The following PVT1 variants were observed in gnomAD, a reference collection of about 807,000 sequenced individuals.
The protein encoded by PVT1 is Pvt1 oncogene, also known as CXCR4/PVT1 fusion.
chr8:127,842,256 AT>A (rs11347742), intron 2 of PVT1, among the ~76,000 whole-genome samples: 90,464 of 140,814 alleles, frequency 0.64, 29,010 homozygotes, highest in African/African-American at 0.74. Context: ...ACTGCTCTGG[AT>A]TTTTTTTTTT....
intron 2 of PVT1, among the ~76,000 whole-genome samples, chr8:127,810,331 C>T (rs182112227): frequency 8.5e-4 from 129 of 152,378 alleles, no homozygotes; most frequent in African/African-American, 3.0e-3. Context: ...CATCCTGCAC[C>T]TCCCTCCTGT....
intron 5 of PVT1, among the ~76,000 whole-genome samples, chr8:128,089,940 C>T (rs532778258): frequency 2.6e-4 from 39 of 152,310 alleles, no homozygotes; most frequent in African/African-American, 8.9e-4. Flanking sequence ...ACCATAAACC[C>T]TTTTGGCAAA....
At chr8:127,887,928 C>CTTTTTTTTTTTTTTTTTTTTTTT in intron 2 of PVT1, among the ~76,000 whole-genome samples, 1 of 56,922 alleles carries the variant, frequency 1.8e-5, no homozygotes, top group Admixed American at 2.6e-4. Context: ...CTCACTCTAT[C>CTTTTTTTTTTTTTTTTTTTTTTT]TTGTTTTTTT....
chr8:128,010,444 G>C (rs78951462), intron 4 of PVT1: 1 of 152,162 alleles, frequency 6.6e-6, no homozygotes, highest in Non-Finnish European at 1.5e-5. Context: ...GGATTTTGGT[G>C]GTGAGTCATC....
intron 2 of PVT1, among the ~76,000 whole-genome samples, chr8:127,871,352 G>A (rs1484572926): frequency 2.6e-5 from 4 of 152,232 alleles, no homozygotes; most frequent in Non-Finnish European, 4.4e-5. Context: ...TTTTACTCAT[G>A]GAATGCAGGG....
At chr8:127,900,941 G>A (rs578157249) in intron 3 of PVT1, among the ~76,000 whole-genome samples, 5 of 152,346 alleles carry the variant, frequency 3.3e-5, no homozygotes, top group East Asian at 3.9e-4. Context: ...ACGCCTGAAT[G>A]GGGTGAATTC....
intron 2 of PVT1, among the ~76,000 whole-genome samples, chr8:127,889,780 C>T (rs1317531249): frequency 6.6e-6 from 1 of 152,110 alleles, no homozygotes; most frequent in Non-Finnish European, 1.5e-5. Flanking sequence ...AAAACAGGGG[C>T]AGGCATCCCA....
At chr8:128,038,269 G>A (rs750306962) in intron 4 of PVT1, among the ~76,000 whole-genome samples, 14 of 152,170 alleles carry the variant, frequency 9.2e-5, no homozygotes, top group Non-Finnish European at 1.9e-4. Context: ...AGGTTTCTTT[G>A]AGCTCCACAT....
At chr8:128,055,527 C>T (rs1813752672) in intron 4 of PVT1, among the ~76,000 whole-genome samples, 1 of 152,226 alleles carries the variant, frequency 6.6e-6, no homozygotes, top group African/African-American at 2.4e-5. Context: ...AAAATTTATA[C>T]TTTACTGCAA....
intron 5 of PVT1, among the ~76,000 whole-genome samples, chr8:128,093,564 T>TA (rs200137675): frequency 0.018 from 2,726 of 151,862 alleles, 45 homozygotes; most frequent in Non-Finnish European, 0.028. Flanking sequence ...TCTTAAAAAA[T>TA]AAAAAATAAA....
intron 3 of PVT1, among the ~76,000 whole-genome samples, chr8:127,933,634 C>A (rs1378069649): frequency 6.6e-6 from 1 of 152,110 alleles, no homozygotes; most frequent in Non-Finnish European, 1.5e-5. Flanking sequence ...CAAGATGAAG[C>A]CTCTCTGGGT....
intron 4 of PVT1, among the ~76,000 whole-genome samples, chr8:128,052,719 C>G (rs1485513903): frequency 6.6e-6 from 1 of 152,230 alleles, no homozygotes; most frequent in Non-Finnish European, 1.5e-5. Flanking sequence ...GTGTTTACCA[C>G]AGTCATAACA....
At chr8:128,059,808 C>A (rs1462177657) in intron 4 of PVT1, among the ~76,000 whole-genome samples, 2 of 152,212 alleles carry the variant, frequency 1.3e-5, no homozygotes, top group African/African-American at 4.8e-5. Context: ...CAGAAACTAC[C>A]TGAAGCCACA....
chr8:127,898,665 T>C lies in PVT1; in HGVS notation n.782+7667T>C, dbSNP rs1314942102. ...GGAACCTGTATTCCAGTGGCCCTGG[T>C]GGCTCTCTTCCCTCTCACCTTCCCA... On this transcript the variant is annotated intron_variant and non_coding_transcript_variant, in intron 3 of 10. Transcript: ENST00000651587. This position sits in a 1 kb window ranked among gnomAD's most constrained non-coding sequence, Gnocchi z 4.4. Among the ~76,000 whole-genome samples, 2 of 152,200 alleles carry C rather than the reference T, an allele frequency of 1.3e-5. No individual in the cohort carries two copies. The highest frequency in any genetic ancestry group is 4.8e-5 in the African/African-American group (2 of 41,434).
chr8:127,988,149 A>G (rs984748220), intron 3 of PVT1, among the ~76,000 whole-genome samples: 24 of 152,230 alleles, frequency 1.6e-4, no homozygotes, highest in African/African-American at 5.5e-4. Flanking sequence ...AGGAAATCAA[A>G]GTGGGGAATA....
chr8:127,964,765 G>T (rs1346499999), intron 3 of PVT1, among the ~76,000 whole-genome samples: 2 of 151,942 alleles, frequency 1.3e-5, no homozygotes, highest in Non-Finnish European at 2.9e-5. Flanking sequence ...ATGTTTTAGG[G>T]CCTCCAATGA....
At chr8:128,018,359 T>G (rs951046103) in intron 4 of PVT1, among the ~76,000 whole-genome samples, 6 of 152,218 alleles carry the variant, frequency 3.9e-5, no homozygotes, top group South Asian at 4.1e-4. Flanking sequence ...CCCCAGGAAG[T>G]GGGCAGCAGC....
intron 2 of PVT1, among the ~76,000 whole-genome samples, chr8:127,837,607 A>G (rs1814924017): frequency 6.6e-6 from 1 of 152,096 alleles, no homozygotes; most frequent in South Asian, 2.1e-4. Flanking sequence ...GAAAAAAGGA[A>G]CTAATATTGA....
chr8:127,960,153 A>G (rs1360687569), intron 3 of PVT1, among the ~76,000 whole-genome samples: 1 of 152,196 alleles, frequency 6.6e-6, no homozygotes, highest in Non-Finnish European at 1.5e-5. Context: ...TGTGGTGTTC[A>G]TTCAACATGT....
Sources: allele counts gnomAD v4.1 joint callset (sites outside exome capture counted in the v4.1 genomes callset), GRCh38; gene constraint gnomAD v4.1.1; non-coding constraint Gnocchi (gnomAD v3.1); transcripts MANE v1.5; gene names NCBI Gene and HGNC (gene_info 2026-07-23, HGNC 2026-07-21).